FGF13: variants seen among roughly 807,000 people sequenced by gnomAD.
FGF13 encodes fibroblast growth factor homologous factor 2.
Under a neutral mutation model 19.5 loss-of-function variants are expected in FGF13, and 2 were observed. That is an observed-to-expected ratio of 0.10 (90% CI 0.04 to 0.32). FGF13 has a LOEUF of 0.32. FGF13 is among the 10% of genes least tolerant of loss of function. The pLI is 1.00. For missense variants in FGF13, 113 were observed against 192.7 expected, an observed-to-expected ratio of 0.59 and a Z score of 2.45; for synonymous variants, 72 against 76.9, an observed-to-expected ratio of 0.94 and a Z score of 0.33.
intron 1 of FGF13, among the ~76,000 whole-genome samples, chrX:139,019,651 A>G (rs1353841509): frequency 9.0e-6 from 1 of 110,661 alleles, no homozygotes; most frequent in Non-Finnish European, 1.9e-5. Context: ...TGAGCTGAGG[A>G]GAAAGCTGAG....
chrX:139,057,207 C>T (rs958793923), intron 1 of FGF13, among the ~76,000 whole-genome samples: 1 of 111,011 alleles, frequency 9.0e-6, no homozygotes, highest in Non-Finnish European at 1.9e-5. Context: ...AAATACTTGT[C>T]GCTCCAATTA....
chrX:138,851,008 T>C (rs1490538175), intron 3 of FGF13, among the ~76,000 whole-genome samples: 1 of 111,762 alleles, frequency 8.9e-6, no homozygotes, highest in South Asian at 3.8e-4. Flanking sequence ...TCTGTTCCTG[T>C]GTTAGTTTGC....
intron 1 of FGF13, among the ~76,000 whole-genome samples, chrX:138,996,817 G>A (rs192199618): frequency 8.6e-4 from 97 of 112,355 alleles, no homozygotes; most frequent in African/African-American, 2.9e-3. Flanking sequence ...CCAGCACAGC[G>A]TTCGAGCTCT....
intron 1 of FGF13, among the ~76,000 whole-genome samples, chrX:138,972,066 G>GTGTGTGTGTGTGTC (rs1384959484): frequency 4.6e-5 from 5 of 109,019 alleles, no homozygotes; most frequent in Non-Finnish European, 9.6e-5. Context: ...TTGTGTGTGT[G>GTGTGTGTGTGTGTC]TGTGTGTGTG....
intron 1 of FGF13, among the ~76,000 whole-genome samples, chrX:138,989,448 G>GT (rs1389037717): frequency 2.7e-5 from 3 of 111,850 alleles, no homozygotes; most frequent in African/African-American, 9.7e-5. Context: ...TCAATAAACA[G>GT]TAACTATTGT....
At chrX:138,800,869 C>T (rs966336217) in intron 3 of FGF13, among the ~76,000 whole-genome samples, 1 of 111,911 alleles carries the variant, frequency 8.9e-6, no homozygotes, top group African/African-American at 3.2e-5. Flanking sequence ...TCCACTTGAT[C>T]AATTCAGCAA....
Position 138,628,891 on chromosome X carries a change from C to CA in FGF13, c.*3958dup, listed in dbSNP as rs763058019. 2 of 111,955 alleles carry CA rather than the reference C, an allele frequency of 1.8e-5. No homozygotes were observed. The highest frequency in any genetic ancestry group is 5.6e-4 in the East Asian group (2 of 3,541). The allele number at this position is 111,955 out of a possible 1,213,427, so 9.2% of individuals were successfully genotyped here. On this transcript the variant is annotated 3_prime_UTR_variant, in exon 5 of 5. Transcript: ENST00000315930. ...AGCATGTCCTCTCTTTGGATACAAA[C>CA]AAAACTCCTGGGAGGGGGAATTGGA...
intron 1 of FGF13, among the ~76,000 whole-genome samples, chrX:139,112,519 A>G (rs1312960961): frequency 8.9e-6 from 1 of 111,988 alleles, no homozygotes; most frequent in Non-Finnish European, 1.9e-5. Context: ...TCTCCCAGAA[A>G]CAAAAGCTTG....
At chrX:139,025,842 G>A (rs780727126) in intron 1 of FGF13, among the ~76,000 whole-genome samples, 1 of 110,177 alleles carries the variant, frequency 9.1e-6, no homozygotes, top group Admixed American at 9.7e-5. Flanking sequence ...AGGGGCTCTT[G>A]GTAAGGTCAG....
At chrX:138,710,685 G>GCACA in intron 1 of FGF13, 132 bp downstream of exon 1, 1 of 1,059,291 alleles carries the variant, frequency 9.4e-7, no homozygotes, top group East Asian at 3.1e-5. Context: ...TCCCACGCAC[G>GCACA]CACACAGGCT....
At chrX:138,705,073 A>C (rs2089981135) in intron 2 of FGF13, among the ~76,000 whole-genome samples, 2 of 112,030 alleles carry the variant, frequency 1.8e-5, no homozygotes, top group African/African-American at 6.5e-5. Context: ...GATCTAAAAA[A>C]CTAAAGCAAA....
chrX:139,054,191 C>T (rs1226123241), intron 1 of FGF13, among the ~76,000 whole-genome samples: 2 of 92,633 alleles, frequency 2.2e-5, no homozygotes, highest in Non-Finnish European at 4.1e-5. Flanking sequence ...GGCGCGATCT[C>T]GGCTCACTGC....
intron 1 of FGF13, among the ~76,000 whole-genome samples, chrX:138,905,026 A>C (rs1426221702): frequency 8.9e-6 from 1 of 112,009 alleles, no homozygotes; most frequent in Non-Finnish European, 1.9e-5. Context: ...AATTATGACC[A>C]AACCTGACGG....
intron 1 of FGF13, among the ~76,000 whole-genome samples, chrX:139,097,338 C>T (rs755249166): frequency 9.0e-6 from 1 of 111,098 alleles, no homozygotes; most frequent in East Asian, 2.8e-4. Context: ...AAAAAAATCT[C>T]GTGTTTTAAG....
chrX:138,716,102 A>C (rs751443913), upstream of FGF13: 7 of 112,383 alleles, frequency 6.2e-5, no homozygotes, highest in Admixed American at 1.9e-4. Flanking sequence ...CACCCTTCCT[A>C]TGTGAAGATA....
chrX:138,883,598 C>A, intron 1 of FGF13, among the ~76,000 whole-genome samples: 1 of 111,293 alleles, frequency 9.0e-6, no homozygotes, highest in Admixed American at 9.6e-5. Flanking sequence ...AATAGTCAAC[C>A]AGGAGCCAAG....
intron 1 of FGF13, among the ~76,000 whole-genome samples, chrX:138,918,602 C>T (rs1238667734): frequency 8.9e-6 from 1 of 111,807 alleles, no homozygotes. Context: ...AGACACTGCA[C>T]TGAGGGATAC....
intron 1 of FGF13, among the ~76,000 whole-genome samples, chrX:138,979,405 T>C (rs1377959629): frequency 9.3e-6 from 1 of 106,972 alleles, no homozygotes; most frequent in African/African-American, 3.4e-5. Context: ...GAGATTTTCT[T>C]TTTTTTTTTA....
At chrX:139,158,954 T>C (rs2084003537) in intron 1 of FGF13, among the ~76,000 whole-genome samples, 1 of 111,420 alleles carries the variant, frequency 9.0e-6, no homozygotes, top group Non-Finnish European at 1.9e-5. Flanking sequence ...CAGGCCAACA[T>C]TCAAATTCAG....
Sources: gnomAD v4.1 joint callset for allele counts (sites outside exome capture counted in the v4.1 genomes callset) on GRCh38, gnomAD v4.1.1 for gene constraint, MANE v1.5 for transcripts, NCBI Gene and HGNC (gene_info 2026-07-23, HGNC 2026-07-21) for gene names.